The following ABCC4 variants were observed in gnomAD, a reference collection of about 807,000 sequenced individuals.
ABCC4 encodes ATP binding cassette subfamily C member 4 (PEL blood group).
A neutral mutation model predicts 168.5 loss-of-function variants in ABCC4; 102 were observed. That is an observed-to-expected ratio of 0.61 (90% CI 0.52 to 0.71). The LOEUF (loss-of-function observed/expected upper bound fraction) is 0.71. ABCC4 is among the 30% of genes least tolerant of loss of function. The pLI is 0.00. For missense variants in ABCC4, 1,402 were observed against 1,605.8 expected (o/e 0.87, Z 2.17); for synonymous variants, 617 against 590.7 (o/e 1.04, Z -0.65).
chr13:95,260,097 G>A (rs754197798), intron 1 of ABCC4, among the ~76,000 whole-genome samples: 4 of 152,162 alleles, frequency 2.6e-5, no homozygotes, highest in South Asian at 2.1e-4. Context: ...CCTGCAATCT[G>A]TATCTTCTGA....
At chr13:95,025,166 T>A (rs1275140738) in intron 30 of ABCC4, among the ~76,000 whole-genome samples, 1 of 131,812 alleles carries the variant, frequency 7.6e-6, no homozygotes, top group Non-Finnish European at 1.6e-5. Flanking sequence ...CAATTTCACA[T>A]ACACACACAC....
chr13:95,043,602 T>G, intron 29 of ABCC4, 80 bp downstream of exon 29: 1 of 1,256,138 alleles, frequency 8.0e-7, no homozygotes, highest in Non-Finnish European at 1.1e-6. Context: ...GGGGTTTCTA[T>G]CAAGTTTTAC....
intron 20 of ABCC4, among the ~76,000 whole-genome samples, chr13:95,106,341 G>T (rs998053712): frequency 6.7e-6 from 1 of 149,806 alleles, no homozygotes. Flanking sequence ...GTGTGTGTGC[G>T]TATATATGTG....
intron 9 of ABCC4, among the ~76,000 whole-genome samples, 191 bp from the exon 10 acceptor site, chr13:95,188,733 T>C (rs2139626247): frequency 6.6e-6 from 1 of 152,286 alleles, no homozygotes; most frequent in East Asian, 1.9e-4. Flanking sequence ...TTTTACACAG[T>C]TTGGAGTCTT....
intron 11 of ABCC4, among the ~76,000 whole-genome samples, chr13:95,183,440 G>A (rs1887163): frequency 0.58 from 88,667 of 151,894 alleles, 25,966 homozygotes; most frequent in Admixed American, 0.61. Context: ...AAAAGGAGTC[G>A]GCAAATGATC....
chr13:95,039,327 G>T (rs1407378939), intron 29 of ABCC4, among the ~76,000 whole-genome samples: 3 of 152,170 alleles, frequency 2.0e-5, no homozygotes, highest in Non-Finnish European at 4.4e-5. Flanking sequence ...TTTCAGATTA[G>T]GGGACTCAAT....
chr13:95,237,385 A>G (rs1351224045), intron 3 of ABCC4, among the ~76,000 whole-genome samples: 1 of 152,212 alleles, frequency 6.6e-6, no homozygotes, highest in African/African-American at 2.4e-5. Context: ...AACTTTCTAA[A>G]TATCAGTACC....
intron 11 of ABCC4, 90 bp downstream of exon 11, chr13:95,186,611 A>G: frequency 7.8e-7 from 1 of 1,278,128 alleles, no homozygotes; most frequent in Non-Finnish European, 1.1e-6. Context: ...GTCTTTAAAA[A>G]TTAAAAAAAA....
At chr13:95,021,794 C>T (rs978679103) in intron 30 of ABCC4, 112 bp from the exon 31 acceptor site, 8 of 704,036 alleles carry the variant, frequency 1.1e-5, no homozygotes, top group Admixed American at 1.1e-4. Context: ...TCATATCCCT[C>T]ACTGAGGCAC....
chr13:95,166,517 T>A, intron 14 of ABCC4, 150 bp from the exon 15 acceptor site: 1 of 668,850 alleles, frequency 1.5e-6, no homozygotes, highest in Non-Finnish European at 2.5e-6. Flanking sequence ...ACAATTCAAC[T>A]TGATACACAA....
rs748805753 is a variant in ABCC4, at chr13:95,064,492, C to CAT, written c.3211-1634_3211-1633insAT. ...TTTGTCTCTCTCACACACATACACACACACACACGTGTATGTGTGTATGTG... is the reference window on the plus strand; with the variant it reads ...TTTGTCTCTCTCACACACATACACACATACACACACGTGTATGTGTGTATGTG... On this transcript the variant is annotated intron_variant, in intron 25 of 30. Coordinates refer to ENST00000645237, the MANE Select transcript of ABCC4 (RefSeq NM_005845.5). Among the ~76,000 whole-genome samples the CAT allele has an allele frequency of 5.3e-5, 6 of 113,396 alleles. No individual in the cohort carries two copies. The South Asian group carries it at 1.2e-3, about 23-fold the overall frequency. 74.4% of individuals were successfully genotyped at this position (113,396 alleles called of 152,430 possible).
chr13:95,164,410 T>C lies in ABCC4; in HGVS notation c.2143A>G (p.Ile715Val). 1.2e-6 allele frequency: 2 copies of C among 1,614,110 alleles called. No homozygotes were observed. The highest frequency in any genetic ancestry group is 1.7e-6 in the Non-Finnish European group (2 of 1,180,018). Residue 715 changes from isoleucine to valine, a missense_variant, in exon 16 of 31, where the codon ATT becomes GTT. Coordinates refer to ENST00000645237, the MANE Select transcript of ABCC4 (RefSeq NM_005845.5). Reference sequence around the variant, plus strand: ...GCAGTGTTTAGGAGAATAAGGAAAATGAAGACAATCCAGTGAGCACCAGCT... The same window carrying C: ...GCAGTGTTTAGGAGAATAAGGAAAACGAAGACAATCCAGTGAGCACCAGCT... ...FRAGAHWIVF[I>V]FLILLNTAAQ...
In ABCC4 at chr13:95,024,640, T is replaced by C. The variant is rs562582893; in HGVS notation, c.3871-2958A>G. 8.5e-5 allele frequency among the ~76,000 whole-genome samples: 13 copies of C among 152,304 alleles called. No individual in the cohort carries two copies. The East Asian group carries it at 2.1e-3, about 25-fold the overall frequency. On this transcript the variant is annotated intron_variant, in intron 30 of 30. Coordinates refer to ENST00000645237, the MANE Select transcript of ABCC4 (RefSeq NM_005845.5). ...GACCCTGTCAGTTCATTTTTACTGA[T>C]GTGTATGGCCCTAATTCAATCACAG...
At chr13:95,049,375 CTCACGCCTGTAA>C (rs2032729353) in intron 27 of ABCC4, among the ~76,000 whole-genome samples, 1 of 151,966 alleles carries the variant, frequency 6.6e-6, no homozygotes, top group Admixed American at 6.6e-5. Context: ...GGCGCGGTGG[CTCACGCCTGTAA>C]TCCCAGCACT....
chr13:95,271,985 T>C (rs1160215299), intron 1 of ABCC4, among the ~76,000 whole-genome samples: 2 of 152,202 alleles, frequency 1.3e-5, no homozygotes, highest in Non-Finnish European at 2.9e-5. Flanking sequence ...GCAGGCTGAT[T>C]AATCTCTAGT....
chr13:95,098,416 T>C (rs9590183), intron 20 of ABCC4, among the ~76,000 whole-genome samples: 2 of 151,772 alleles, frequency 1.3e-5, no homozygotes, highest in Non-Finnish European at 1.5e-5. Context: ...ATGAATTCAC[T>C]GGAAAAAAAA....
chr13:95,250,308 A>G (rs2040220749), intron 1 of ABCC4, among the ~76,000 whole-genome samples: 1 of 151,962 alleles, frequency 6.6e-6, no homozygotes, highest in African/African-American at 2.4e-5. Context: ...CTTATCTCCC[A>G]CAATACTTAG....
At chr13:95,129,588 A>G (rs991263003) in intron 19 of ABCC4, among the ~76,000 whole-genome samples, 3 of 151,688 alleles carry the variant, frequency 2.0e-5, no homozygotes, top group Non-Finnish European at 4.4e-5. Flanking sequence ...ACAAAAATGT[A>G]TAATATAACT....
chr13:95,070,070 C>T (rs2033674990), intron 25 of ABCC4, among the ~76,000 whole-genome samples: 1 of 152,092 alleles, frequency 6.6e-6, no homozygotes, highest in African/African-American at 2.4e-5. Flanking sequence ...ATGGCAAAAC[C>T]TGGTCTCTAC....
Sources: gnomAD v4.1 joint callset for allele counts (sites outside exome capture counted in the v4.1 genomes callset) on GRCh38, gnomAD v4.1.1 for gene constraint, MANE v1.5 for transcripts, NCBI Gene and HGNC (gene_info 2026-07-23, HGNC 2026-07-21) for gene names.